COL4A6: variants seen among roughly 807,000 people sequenced by gnomAD.
COL4A6 encodes collagen alpha-6(IV) chain.
A neutral mutation model predicts 126.7 loss-of-function variants in COL4A6; 59 were observed. The observed-to-expected ratio is 0.47, with a 90% CI of 0.38 to 0.58. COL4A6 has a LOEUF of 0.58. COL4A6 is among the 20% of genes least tolerant of loss of function. COL4A6 has a pLI of 0.00. For missense variants in COL4A6, 1,285 were observed against 1,337.3 expected, an observed-to-expected ratio of 0.96 and a Z score of 0.61; for synonymous variants, 547 against 496.6, an observed-to-expected ratio of 1.10 and a Z score of -1.35.
intron 2 of COL4A6, among the ~76,000 whole-genome samples, chrX:108,350,494 A>G (rs774643901): frequency 1.8e-5 from 2 of 111,340 alleles, no homozygotes; most frequent in Non-Finnish European, 1.9e-5. Flanking sequence ...TCCAAGCTCT[A>G]CAGGTGCTTC....
chrX:108,227,620 T>C (rs960464014), intron 3 of COL4A6, among the ~76,000 whole-genome samples: 4 of 111,701 alleles, frequency 3.6e-5, no homozygotes, highest in Non-Finnish European at 7.5e-5. Flanking sequence ...TCGAAAGAGT[T>C]ATTATCAATA....
Position 108,422,384 on chromosome X carries a change from A to G in COL4A6, c.63+15558T>C, listed in dbSNP as rs779397684. ...CTGTCTAAAAAGAAAGAAAAAGGAA[A>G]TAAAAATTTGTACTATACTTGAAAC... On this transcript the variant is annotated intron_variant, in intron 2 of 44. Transcript: ENST00000334504. 2.7e-5 allele frequency among the ~76,000 whole-genome samples: 3 copies of G among 111,856 alleles called. No individual in the cohort carries two copies. In the South Asian group the frequency reaches 1.1e-3, roughly 42 times the overall value.
At chrX:108,207,669 C>T (rs950140295) in intron 8 of COL4A6, among the ~76,000 whole-genome samples, 4 of 111,191 alleles carry the variant, frequency 3.6e-5, no homozygotes, top group African/African-American at 1.3e-4. Flanking sequence ...GGAACATACG[C>T]AAATTCTTTT....
At chrX:108,294,278 A>T (rs182284116) in intron 3 of COL4A6, among the ~76,000 whole-genome samples, 7 of 111,844 alleles carry the variant, frequency 6.3e-5, no homozygotes, top group African/African-American at 1.3e-4. Context: ...CTAAATAATG[A>T]CTTTCTATTA....
chrX:108,192,346 A>C (rs1292343000), intron 18 of COL4A6, 127 bp downstream of exon 18: 3 of 453,607 alleles, frequency 6.6e-6, no homozygotes, highest in Admixed American at 3.6e-5. Flanking sequence ...GAACCTACTG[A>C]CTACAGTCTA....
At chrX:108,161,021 T>C (rs2033915661) in intron 42 of COL4A6, among the ~76,000 whole-genome samples, 1 of 111,805 alleles carries the variant, frequency 8.9e-6, no homozygotes, top group Admixed American at 9.4e-5. Context: ...CAGGCCCTCA[T>C]AGGAGATAAC....
rs2034939984 is a variant in COL4A6 at position 108,188,497 on chromosome X, CAA to C, written c.1587+18_1587+19del. 5 of 1,093,714 alleles carry C rather than the reference CAA, an allele frequency of 4.6e-6. No homozygotes were observed. Among genetic ancestry groups the C allele is most frequent in the East Asian group, 3.3e-5 (1 of 30,266 alleles). The allele number at this position is 1,093,714 out of a possible 1,213,427, so 90.1% of individuals were successfully genotyped here. A position where few individuals can be genotyped will look rare whatever the true frequency, so the allele number is the denominator to read the frequency against. On this transcript the variant is annotated intron_variant, in intron 21 of 44. Coordinates refer to ENST00000334504, the MANE Select transcript of COL4A6 (RefSeq NM_033641.4). ...AAAGATTCCATTGCTTCCTCAGGGTCAAAGTTTGGCAAGACTTACTGGAGCCC... is the reference window on the plus strand; with the variant it reads ...AAAGATTCCATTGCTTCCTCAGGGTCAGTTTGGCAAGACTTACTGGAGCCC...
intron 2 of COL4A6, among the ~76,000 whole-genome samples, chrX:108,386,240 TG>T (rs1339704348): frequency 8.9e-6 from 1 of 111,986 alleles, no homozygotes; most frequent in Admixed American, 9.5e-5. Context: ...TACCCAGCAA[TG>T]GGATTCCTGG....
intron 3 of COL4A6, among the ~76,000 whole-genome samples, chrX:108,238,285 T>C (rs1243874920): frequency 2.7e-5 from 3 of 109,366 alleles, no homozygotes; most frequent in African/African-American, 1.0e-4. Flanking sequence ...TTTGTATTTT[T>C]AGTAGAGATG....
chrX:108,240,224 T>C (rs1342888732), intron 3 of COL4A6, among the ~76,000 whole-genome samples: 2 of 110,987 alleles, frequency 1.8e-5, no homozygotes, highest in African/African-American at 3.3e-5. Context: ...GCATGGGCAA[T>C]AGAGTGAGGC....
chrX:108,182,552 A>G (rs953881878), intron 23 of COL4A6, among the ~76,000 whole-genome samples: 1 of 112,236 alleles, frequency 8.9e-6, no homozygotes, highest in South Asian at 3.7e-4. Flanking sequence ...TTATTTCCCT[A>G]CTATGGAAAT....
intron 2 of COL4A6, among the ~76,000 whole-genome samples, chrX:108,381,847 T>A (rs2040563962): frequency 8.9e-6 from 1 of 111,911 alleles, no homozygotes; most frequent in Non-Finnish European, 1.9e-5. Flanking sequence ...GATATTGGTA[T>A]TAGTAATAAC....
intron 17 of COL4A6, 146 bp from the exon 18 acceptor site, chrX:108,192,726 C>T (rs750878873): frequency 4.5e-6 from 2 of 444,450 alleles, no homozygotes; most frequent in South Asian, 3.9e-5. Flanking sequence ...AATGGCCTCA[C>T]ATGATAATGG....
intron 3 of COL4A6, chrX:108,268,947 C>T (rs2037380436): frequency 7.6e-6 from 2 of 264,189 alleles, no homozygotes; most frequent in Admixed American, 4.6e-5. Context: ...ATCATAGAGG[C>T]CACTTGCTTA....
intron 3 of COL4A6, among the ~76,000 whole-genome samples, chrX:108,261,656 C>A (rs2037165123): frequency 9.0e-6 from 1 of 111,535 alleles, no homozygotes; most frequent in East Asian, 2.8e-4. Context: ...CAGATGTTTT[C>A]ATCATCTCCC....
intron 3 of COL4A6, among the ~76,000 whole-genome samples, chrX:108,245,156 G>A (rs1211799750): frequency 8.9e-6 from 1 of 112,191 alleles, no homozygotes; most frequent in Admixed American, 9.4e-5. Flanking sequence ...TTAACAGAAG[G>A]GTGCGTGCAT....
At chrX:108,167,714 G>A (rs1184233795) in intron 37 of COL4A6, among the ~76,000 whole-genome samples, 2 of 111,219 alleles carry the variant, frequency 1.8e-5, no homozygotes, top group African/African-American at 6.5e-5. Flanking sequence ...GTTCCTGTGG[G>A]GGTGGGGTGG....
chrX:108,159,503 G>A lies in COL4A6; in HGVS notation c.4771C>T (p.Leu1591=), dbSNP rs2033846382. Residue 1591 remains leucine, a synonymous_variant, in exon 44 of 45, where the codon CTG becomes TTG. Coordinates refer to ENST00000334504, the MANE Select transcript of COL4A6 (RefSeq NM_033641.4). ...SQDITIPQCP[L]GWRSLWIGYS... ...CCAATCCAGAGGCTGCGCCAGCCCA[G>A]GGGGCACTGCGGGATGGTGATGTCC... The A allele has an allele frequency of 8.3e-7, 1 of 1,210,892 alleles. No homozygotes were observed.
chrX:108,205,601 G>A, intron 10 of COL4A6, 59 bp downstream of exon 10: 1 of 1,151,299 alleles, frequency 8.7e-7, no homozygotes, highest in Non-Finnish European at 1.2e-6. Flanking sequence ...GTATCTCTCT[G>A]GGAAATCCAG....
Sources: gnomAD v4.1 joint callset for allele counts (sites outside exome capture counted in the v4.1 genomes callset) on GRCh38, gnomAD v4.1.1 for gene constraint, MANE v1.5 for transcripts, NCBI Gene and HGNC (gene_info 2026-07-23, HGNC 2026-07-21) for gene names.